The following FRMPD4 variants were observed in gnomAD, a reference collection of about 807,000 sequenced individuals.
The protein encoded by FRMPD4 is FERM and PDZ domain-containing protein 4.
Under a neutral mutation model 94.1 loss-of-function variants are expected in FRMPD4, and 22 were observed. The ratio of observed to expected loss-of-function variants is 0.23; its 90% confidence interval spans 0.17 to 0.33. The LOEUF (loss-of-function observed/expected upper bound fraction) is 0.33. FRMPD4 is among the 10% of genes least tolerant of loss of function. The pLI, the probability that FRMPD4 is intolerant of heterozygous loss-of-function variation, is 1.00. For synonymous variants in FRMPD4, 631 were observed against 548.6 expected (o/e 1.15, Z -2.10); for missense variants, 1,111 against 1,339.9 (o/e 0.83, Z 2.67).
intron 1 of FRMPD4, among the ~76,000 whole-genome samples, chrX:12,152,496 CTATT>C (rs1449869182): frequency 9.0e-6 from 1 of 110,843 alleles, no homozygotes; most frequent in Non-Finnish European, 1.9e-5. Context: ...AGAAGAAAAT[CTATT>C]TAGACAACAG....
At chrX:12,052,445 T>C (rs2054823647) in intron 3 of FRMPD4, among the ~76,000 whole-genome samples, 1 of 112,242 alleles carries the variant, frequency 8.9e-6, no homozygotes, top group Non-Finnish European at 1.9e-5. Flanking sequence ...GGCATTTGAG[T>C]ACTCAGTGTC....
At chrX:12,585,835 AGATT>A (rs1196321180) in intron 2 of FRMPD4, among the ~76,000 whole-genome samples, 1 of 112,558 alleles carries the variant, frequency 8.9e-6, no homozygotes, top group East Asian at 2.8e-4. Context: ...TAACAATTTT[AGATT>A]GATTATATGT....
At chrX:12,325,907 G>A (rs1476976074) in intron 1 of FRMPD4, among the ~76,000 whole-genome samples, 2 of 112,194 alleles carry the variant, frequency 1.8e-5, no homozygotes, top group Non-Finnish European at 3.8e-5. Context: ...GTTGACTGGG[G>A]CTTAAGACTA....
chrX:11,885,640 T>C (rs1006368101), intron 3 of FRMPD4, among the ~76,000 whole-genome samples: 3 of 111,471 alleles, frequency 2.7e-5, no homozygotes, highest in African/African-American at 9.8e-5. Context: ...AAATTAGGAC[T>C]CTTTTCCTAG....
intron 3 of FRMPD4, among the ~76,000 whole-genome samples, chrX:12,067,316 G>A (rs773426063): frequency 8.9e-6 from 1 of 111,754 alleles, no homozygotes; most frequent in South Asian, 3.7e-4. Flanking sequence ...CCAGTTCCCA[G>A]AAATTCCTAT....
Position 12,365,010 on chromosome X carries a change from T to C in FRMPD4, c.42-133670T>C, listed in dbSNP as rs1462101974. Among the ~76,000 whole-genome samples the C allele has an allele frequency of 2.7e-5, 3 of 112,688 alleles. No individual in the cohort carries two copies. In the South Asian group the frequency reaches 1.1e-3, roughly 42 times the overall value. ...AGAGGCCCATTGCGTTCAGCTGGTG[T>C]TCTGCTGAGACATGGCCCTTAATTT... On this transcript the variant is annotated intron_variant, in intron 1 of 16. Coordinates refer to ENST00000675598, the MANE Select transcript of FRMPD4 (RefSeq NM_001368397.1).
chrX:12,372,987 G>A (rs747785822), intron 1 of FRMPD4, among the ~76,000 whole-genome samples: 5 of 112,087 alleles, frequency 4.5e-5, no homozygotes, highest in Middle Eastern at 4.6e-3. Flanking sequence ...CAATGGAGCC[G>A]AGAAGTCCTT....
intron 3 of FRMPD4, among the ~76,000 whole-genome samples, chrX:11,942,908 C>G (rs1334705714): frequency 8.9e-6 from 1 of 111,912 alleles, no homozygotes; most frequent in Non-Finnish European, 1.9e-5. Context: ...ACTTAGGCAA[C>G]TGGTAAAAGC....
intron 1 of FRMPD4, among the ~76,000 whole-genome samples, chrX:12,193,411 A>G (rs899830024): frequency 9.0e-6 from 1 of 110,621 alleles, no homozygotes; most frequent in African/African-American, 3.3e-5. Context: ...AAATAATTCA[A>G]TTATTTAAAC....
chrX:12,193,752 CA>C (rs1302422516), intron 1 of FRMPD4, among the ~76,000 whole-genome samples: 7 of 16,494 alleles, frequency 4.2e-4, no homozygotes, highest in Admixed American at 1.2e-3. Flanking sequence ...CCGAAAGAAA[CA>C]GAAAGAAAGA....
At chrX:12,193,781 AGG>A (rs778651995) in intron 1 of FRMPD4, among the ~76,000 whole-genome samples, 2,927 of 25,556 alleles carry the variant, frequency 0.11, 388 homozygotes, top group South Asian at 0.17. Context: ...AAAGGAAGGA[AGG>A]AAGGAAGGAA....
chrX:12,052,546 A>G (rs1162419637), intron 3 of FRMPD4, among the ~76,000 whole-genome samples: 1 of 112,416 alleles, frequency 8.9e-6, no homozygotes, highest in Non-Finnish European at 1.9e-5. Context: ...AACCGAAAAT[A>G]CATAAACTCT....
intron 1 of FRMPD4, among the ~76,000 whole-genome samples, chrX:12,300,011 T>G (rs964149965): frequency 8.9e-6 from 1 of 112,081 alleles, no homozygotes; most frequent in East Asian, 2.8e-4. Context: ...GGAAATCACG[T>G]GAAAACAGAC....
At chrX:12,579,130 C>T (rs766351560) in intron 2 of FRMPD4, among the ~76,000 whole-genome samples, 2 of 112,264 alleles carry the variant, frequency 1.8e-5, no homozygotes, top group Non-Finnish European at 3.8e-5. Flanking sequence ...CCCACCCTAA[C>T]ACTAAAACCT....
intron 4 of FRMPD4, among the ~76,000 whole-genome samples, chrX:12,658,692 C>A (rs1239343052): frequency 9.1e-6 from 1 of 109,323 alleles, no homozygotes; most frequent in African/African-American, 3.3e-5. Context: ...TTTTTTAGTA[C>A]TTTTTGTGCT....
At chrX:12,615,296 C>A (rs1372070430) in intron 4 of FRMPD4, among the ~76,000 whole-genome samples, 2 of 112,172 alleles carry the variant, frequency 1.8e-5, no homozygotes, top group Non-Finnish European at 3.8e-5. Flanking sequence ...TTCACTGATA[C>A]TTCATATTTG....
intron 9 of FRMPD4, among the ~76,000 whole-genome samples, chrX:12,699,083 T>C (rs889689855): frequency 2.7e-5 from 3 of 112,142 alleles, no homozygotes; most frequent in Non-Finnish European, 3.8e-5. Flanking sequence ...AAATGATTTA[T>C]CAAAATGATT....
chrX:12,619,297 C>G (rs769413567), intron 4 of FRMPD4, among the ~76,000 whole-genome samples: 1 of 111,914 alleles, frequency 8.9e-6, no homozygotes, highest in East Asian at 2.8e-4. Flanking sequence ...TCCTGGGTAG[C>G]GGTAGTGTTC....
intron 1 of FRMPD4, among the ~76,000 whole-genome samples, chrX:12,463,634 C>T (rs1206954717): frequency 9.9e-6 from 1 of 101,470 alleles, no homozygotes; most frequent in Non-Finnish European, 2.0e-5. Flanking sequence ...TCCTTCATTA[C>T]TTCTGTCAAC....
Sources: gnomAD v4.1 joint callset for allele counts (sites outside exome capture counted in the v4.1 genomes callset) on GRCh38, gnomAD v4.1.1 for gene constraint, MANE v1.5 for transcripts, NCBI Gene and HGNC (gene_info 2026-07-23, HGNC 2026-07-21) for gene names.